Variants in CHD2 observed in about 807,000 individuals in gnomAD.
CHD2 encodes the protein ATP-dependent chromatin remodeler CHD2.
A neutral mutation model predicts 243.9 loss-of-function variants in CHD2; 28 were observed. The observed-to-expected ratio is 0.11, with a 90% confidence interval of 0.09 to 0.16. The LOEUF is 0.16. CHD2 is among the 10% of genes least tolerant of loss of function. The probability of loss-of-function intolerance (pLI) is 1.00; values close to 1 mark genes in which losing one functional copy is unlikely to be tolerated. For synonymous variants in CHD2, 775 were observed against 779.0 expected, an observed-to-expected ratio of 0.99 and a Z score of 0.09; for missense variants, 1,386 against 2,209.8, an observed-to-expected ratio of 0.63 and a Z score of 7.47.
chr15:92,960,834 C>T (rs1044819566), intron 16 of CHD2, among the ~76,000 whole-genome samples: 6 of 151,096 alleles, frequency 4.0e-5, no homozygotes, highest in African/African-American at 1.5e-4. Flanking sequence ...CATGCCTCAG[C>T]CTTCCAGGTA....
In CHD2 at chr15:92,953,717, T is replaced by C. The variant is rs143998262; in HGVS notation, c.1719+144T>C. On this transcript the variant is annotated intron_variant, in intron 14 of 38. Coordinates refer to ENST00000394196, the MANE Select transcript of CHD2 (RefSeq NM_001271.4). ...TGTTCTCAATATTAGGAGGTTTATCTATCACAAAAGTGCAACTCAGATGTT... is the reference window on the plus strand; with the variant it reads ...TGTTCTCAATATTAGGAGGTTTATCCATCACAAAAGTGCAACTCAGATGTT... The C allele has an allele frequency of 7.4e-4, 552 of 746,860 alleles. 5 individuals carry two copies. In the African/African-American group the frequency reaches 8.8e-3, roughly 12 times the overall value. The allele number at this position is 746,860 out of a possible 1,614,324, so 46.3% of individuals were successfully genotyped here. A position where few individuals can be genotyped will look rare whatever the true frequency, so the allele number is the denominator to read the frequency against.
intron 16 of CHD2, among the ~76,000 whole-genome samples, chr15:92,959,001 C>T (rs1222741792): frequency 6.6e-6 from 1 of 152,158 alleles, no homozygotes; most frequent in Non-Finnish European, 1.5e-5. Context: ...TGAGGAGCAT[C>T]TGTATATAAT....
intron 9 of CHD2, chr15:92,943,894 C>A (rs1377559955): frequency 6.6e-6 from 1 of 152,188 alleles, no homozygotes; most frequent in African/African-American, 2.4e-5. Context: ...AAAATATGTA[C>A]CCCTTAGATG....
intron 20 of CHD2, among the ~76,000 whole-genome samples, chr15:92,977,455 A>C (rs1223932892): frequency 6.6e-6 from 1 of 152,200 alleles, no homozygotes; most frequent in African/African-American, 2.4e-5. Context: ...CAAAGGCATC[A>C]GCTTTTGACA....
chr15:93,022,388 T>TA (rs1287774891), intron 38 of CHD2, among the ~76,000 whole-genome samples: 1 of 152,156 alleles, frequency 6.6e-6, no homozygotes, highest in African/African-American at 2.4e-5. Context: ...CCAAGCCATT[T>TA]ATGAGGGATC....
chr15:93,008,190 G>A (rs2141880505), intron 34 of CHD2, among the ~76,000 whole-genome samples: 1 of 152,322 alleles, frequency 6.6e-6, no homozygotes, highest in South Asian at 2.1e-4. Context: ...CATCCACTCT[G>A]GAATGTGAGA....
intron 19 of CHD2, among the ~76,000 whole-genome samples, chr15:92,973,105 G>C (rs1334652712): frequency 1.3e-5 from 2 of 152,330 alleles, no homozygotes; most frequent in Admixed American, 6.5e-5. Context: ...GGAGAGGGCA[G>C]TATCAGACAT....
rs1459840646 is a variant in CHD2 at position 92,924,494 on chromosome 15, T to C, written c.236T>C (p.Leu79Pro). 16 of 1,614,092 alleles carry C rather than the reference T, an allele frequency of 9.9e-6. No individual in the cohort carries two copies. The highest frequency in any genetic ancestry group is 1.7e-5 in the Admixed American group (1 of 60,012). Residue 79 changes from leucine (L) to proline (P), a missense_variant, in exon 3 of 39, where the codon CTC becomes CCC. Around this residue, in one of 19 missense-constraint regions of CHD2, gnomAD observed 89 missense variants for 102.4 expected, o/e 0.87. Coordinates refer to ENST00000394196, the MANE Select transcript of CHD2 (RefSeq NM_001271.4). ...ESAGSKSQPV[L>P]PEAKEKPASK... ...GCAGGTTCCAAATCCCAGCCAGTCC[T>C]CCCAGAAGCCAAAGAGAAGCCAGCC...
chr15:92,966,703 G>A (rs1272169744), intron 16 of CHD2, among the ~76,000 whole-genome samples: 2 of 152,054 alleles, frequency 1.3e-5, no homozygotes, highest in Non-Finnish European at 2.9e-5. Flanking sequence ...TTGAGGTCAG[G>A]AGTTTGAGAC....
At chr15:92,973,590 T>C (rs985333433) in intron 19 of CHD2, among the ~76,000 whole-genome samples, 1 of 152,214 alleles carries the variant, frequency 6.6e-6, no homozygotes, top group African/African-American at 2.4e-5. Flanking sequence ...ATATCCATAA[T>C]ATCTTATATG....
chr15:92,993,144 C>T, intron 28 of CHD2, 146 bp downstream of exon 28: 3 of 755,790 alleles, frequency 4.0e-6, no homozygotes, highest in Non-Finnish European at 2.1e-6. Context: ...TTTCTGTGAG[C>T]TTAATATTCT....
chr15:92,941,831 A>G lies in CHD2; in HGVS notation c.702A>G (p.Glu234=). ...RRAAKNVSYK[E]DDDFETDSDD... is the part of the protein sequence containing the mutation. The stretch of plus-strand genomic sequence containing the variant: ...ATTATTCCTCTTGCAGTTACAAAGA[A>G]GATGATGACTTTGAGACTGACTCAG... Residue 234 remains glutamate, a synonymous_variant, in exon 8 of 39, where the codon GAA becomes GAG. Transcript: ENST00000394196. 6.2e-7 allele frequency: 1 copy of G among 1,613,196 alleles called. No individual in the cohort carries two copies. Among genetic ancestry groups the G allele is most frequent in the Non-Finnish European group, 8.5e-7 (1 of 1,179,606 alleles).
chr15:92,986,142 T>C (rs1477984564), intron 26 of CHD2, among the ~76,000 whole-genome samples: 1 of 152,230 alleles, frequency 6.6e-6, no homozygotes, highest in Non-Finnish European at 1.5e-5. Context: ...CAGCATGTTG[T>C]TCAGCACCTT....
chr15:93,005,782 A>G (rs1267375582), intron 34 of CHD2, among the ~76,000 whole-genome samples: 4 of 152,244 alleles, frequency 2.6e-5, no homozygotes, highest in African/African-American at 9.6e-5. Context: ...CTAGAAGTAT[A>G]TCAATAAATG....
intron 2 of CHD2, chr15:92,904,838 TTGAG>T: frequency 6.6e-7 from 1 of 1,514,468 alleles, no homozygotes; most frequent in Non-Finnish European, 8.8e-7. Context: ...ACCAAAACGT[TTGAG>T]TGTCAGAGGC....
Position 92,991,504 on chromosome 15 carries a change from C to T in CHD2, c.3442C>T (p.Leu1148Phe), listed in dbSNP as rs1183661341. Residue 1148 changes from leucine (L) to phenylalanine (F), a missense_variant, in exon 27 of 39, where the codon CTC becomes TTC. Physicochemically the swap from Leu to Phe is conservative, Grantham distance 22 (BLOSUM62 0). Transcript: ENST00000394196. ...RFIKAYKKFGLPLERLECIAR... is the reference protein window; with the variant it reads ...RFIKAYKKFGFPLERLECIAR... ...CATCAAGGCTTATAAGAAGTTTGGT[C>T]TCCCTCTTGAACGGTAAGTTCAGTG... 5 of 1,608,370 alleles carry T rather than the reference C, an allele frequency of 3.1e-6. No individual in the cohort carries two copies. In the South Asian group the frequency reaches 5.5e-5, roughly 18 times the overall value.
At chr15:92,908,416 CTTCCTCTAT>C (rs1383329728) in intron 2 of CHD2, among the ~76,000 whole-genome samples, 3 of 152,274 alleles carry the variant, frequency 2.0e-5, no homozygotes, top group African/African-American at 7.2e-5. Context: ...GTTTCCTCTA[CTTCCTCTAT>C]TTCCTGTCTT....
chr15:93,012,193 A>G (rs1011226736), intron 35 of CHD2, 152 bp from the exon 36 acceptor site: 1 of 493,474 alleles, frequency 2.0e-6, no homozygotes, highest in Non-Finnish European at 3.5e-6. Context: ...TGTATTATTA[A>G]TGCAAATACC....
chr15:92,907,578 T>C (rs367626495), intron 2 of CHD2, among the ~76,000 whole-genome samples: 1 of 152,240 alleles, frequency 6.6e-6, no homozygotes, highest in Non-Finnish European at 1.5e-5. Context: ...GCTTTTACTT[T>C]AGTCCTGAAA....
Sources: gnomAD v4.1 joint callset for allele counts (sites outside exome capture counted in the v4.1 genomes callset) on GRCh38, gnomAD v4.1.1 for gene constraint, gnomAD v4.1.1 regional missense constraint, MANE v1.5 for transcripts, NCBI Gene and HGNC (gene_info 2026-07-23, HGNC 2026-07-21) for gene names.